Variants in IGF2BP3 observed in about 807,000 individuals in gnomAD.
The protein encoded by IGF2BP3 is insulin-like growth factor 2 mRNA-binding protein 3.
IGF2BP3 carries 9 observed loss-of-function variants against 73.8 expected under a neutral mutation model. That is an observed-to-expected ratio of 0.12 (90% CI 0.07 to 0.21). The LOEUF is 0.21. Among genes scored for constraint, IGF2BP3 ranks in the 10% least tolerant of loss-of-function variants. The probability of loss-of-function intolerance (pLI) is 1.00; values close to 1 mark genes in which losing one functional copy is unlikely to be tolerated. For synonymous variants in IGF2BP3, 258 were observed against 256.7 expected (o/e 1.01, Z -0.05); for missense variants, 542 against 714.0 (o/e 0.76, Z 2.75).
chr7:23,321,931 G>A (rs1040377831), intron 10 of IGF2BP3, among the ~76,000 whole-genome samples: 85 of 152,230 alleles, frequency 5.6e-4, no homozygotes, highest in African/African-American at 1.2e-3. Flanking sequence ...GTACATCACC[G>A]TCATCAAAGA....
At chr7:23,326,476 A>C (rs957830943) in intron 10 of IGF2BP3, among the ~76,000 whole-genome samples, 1 of 151,612 alleles carries the variant, frequency 6.6e-6, no homozygotes, top group African/African-American at 2.4e-5. Context: ...GTGGGACTGT[A>C]AACTAGTTCA....
chr7:23,368,195 A>G (rs1455747925), intron 3 of IGF2BP3, among the ~76,000 whole-genome samples: 3 of 152,136 alleles, frequency 2.0e-5, no homozygotes, highest in Non-Finnish European at 4.4e-5. Context: ...AATGTGGTAT[A>G]TTTGTACAAT....
intron 2 of IGF2BP3, among the ~76,000 whole-genome samples, chr7:23,453,150 C>T (rs2128549176): frequency 6.6e-6 from 1 of 152,224 alleles, no homozygotes; most frequent in East Asian, 1.9e-4. Flanking sequence ...AAACAAAATA[C>T]AAATAAACAT....
chr7:23,431,304 G>A (rs1462392082), intron 2 of IGF2BP3: 1 of 152,190 alleles, frequency 6.6e-6, no homozygotes, highest in Non-Finnish European at 1.5e-5. Context: ...ATATCAGAAT[G>A]AACCAAGAGG....
At chr7:23,331,481 T>C (rs990324586) in intron 10 of IGF2BP3, among the ~76,000 whole-genome samples, 1 of 152,078 alleles carries the variant, frequency 6.6e-6, no homozygotes, top group Non-Finnish European at 1.5e-5. Context: ...GTGCATAAGA[T>C]GGGTGTGTAC....
intron 3 of IGF2BP3, among the ~76,000 whole-genome samples, chr7:23,382,894 C>CCAAAA (rs1270398734): frequency 4.1e-5 from 2 of 49,114 alleles, no homozygotes; most frequent in African/African-American, 1.8e-4. Flanking sequence ...CTAGCTCTAC[C>CCAAAA]AAAAAAAAAA....
At chr7:23,377,439 C>G (rs1337010835) in intron 3 of IGF2BP3, among the ~76,000 whole-genome samples, 1 of 152,160 alleles carries the variant, frequency 6.6e-6, no homozygotes, top group African/African-American at 2.4e-5. Flanking sequence ...GCTTCACACC[C>G]ACTAGGATGG....
intron 2 of IGF2BP3, among the ~76,000 whole-genome samples, chr7:23,439,078 A>G (rs2128544407): frequency 6.6e-6 from 1 of 152,180 alleles, no homozygotes; most frequent in Non-Finnish European, 1.5e-5. Context: ...CCTCATCTCA[A>G]CAAAAATTTT....
intron 2 of IGF2BP3, among the ~76,000 whole-genome samples, chr7:23,459,802 G>A (rs1203486164): frequency 6.6e-6 from 1 of 152,016 alleles, no homozygotes; most frequent in African/African-American, 2.4e-5. Context: ...TTGCACTTCA[G>A]CCTGGGCAAC....
chr7:23,325,932 A>T (rs1784281712), intron 10 of IGF2BP3, among the ~76,000 whole-genome samples: 1 of 152,212 alleles, frequency 6.6e-6, no homozygotes, highest in African/African-American at 2.4e-5. Context: ...TCAATTCAAG[A>T]TGGACTAAAG....
rs1376040225 is a variant in IGF2BP3, at chr7:23,382,937, G to A, written c.286-21196C>T. 2.1e-5 allele frequency among the ~76,000 whole-genome samples: 3 copies of A among 145,568 alleles called. No individual in the cohort carries two copies. In the Admixed American group the frequency reaches 2.1e-4, roughly 10 times the overall value. ...AAAAAAAATCAATCAGCTAGGTGCA[G>A]TGGCTTGCACCTACAGATGCAGCTT... On this transcript the variant is annotated intron_variant, in intron 3 of 14. Transcript: ENST00000258729.
intron 3 of IGF2BP3, among the ~76,000 whole-genome samples, 164 bp downstream of exon 3, chr7:23,418,612 C>G (rs778978637): frequency 1.3e-5 from 2 of 152,150 alleles, no homozygotes; most frequent in South Asian, 4.1e-4. Flanking sequence ...AAAAGATACA[C>G]TGTGCCCTTA....
intron 3 of IGF2BP3, among the ~76,000 whole-genome samples, chr7:23,406,208 T>C (rs1185138430): frequency 6.6e-6 from 1 of 152,200 alleles, no homozygotes; most frequent in South Asian, 2.1e-4. Flanking sequence ...TGTTTGCTTC[T>C]TTTCCGTCTG....
intron 3 of IGF2BP3, among the ~76,000 whole-genome samples, chr7:23,401,541 G>A (rs1171063084): frequency 6.6e-6 from 1 of 151,742 alleles, no homozygotes; most frequent in African/African-American, 2.4e-5. Flanking sequence ...AAGGCAGGTG[G>A]ATCACCTGAG....
At chr7:23,372,247 G>C (rs368605960) in intron 3 of IGF2BP3, among the ~76,000 whole-genome samples, 1 of 151,960 alleles carries the variant, frequency 6.6e-6, no homozygotes, top group East Asian at 1.9e-4. Flanking sequence ...GCTGATTTTT[G>C]TATTTTTAGT....
At chr7:23,464,799 T>C (rs1401460238) in intron 2 of IGF2BP3, among the ~76,000 whole-genome samples, 1 of 151,970 alleles carries the variant, frequency 6.6e-6, no homozygotes, top group Non-Finnish European at 1.5e-5. Context: ...TTAACTATAA[T>C]ATCCTATTAT....
intron 3 of IGF2BP3, among the ~76,000 whole-genome samples, chr7:23,371,431 T>C (rs111847537): frequency 6.6e-5 from 10 of 152,338 alleles, no homozygotes; most frequent in South Asian, 2.1e-4. Flanking sequence ...GAAATGGCTA[T>C]ATTACAAAAT....
At chr7:23,389,924 C>T (rs746792164) in intron 3 of IGF2BP3, among the ~76,000 whole-genome samples, 30 of 151,818 alleles carry the variant, frequency 2.0e-4, no homozygotes, top group African/African-American at 3.6e-4. Context: ...TGCAGTGAGC[C>T]GTGACTGAGC....
chr7:23,335,493 G>C (rs1029165114), intron 10 of IGF2BP3, among the ~76,000 whole-genome samples: 1 of 149,828 alleles, frequency 6.7e-6, no homozygotes, highest in African/African-American at 2.5e-5. Flanking sequence ...TTCTCCCTAT[G>C]TTGCCCAGCC....
Sources: gnomAD v4.1 joint callset for allele counts (sites outside exome capture counted in the v4.1 genomes callset) on GRCh38, gnomAD v4.1.1 for gene constraint, MANE v1.5 for transcripts, NCBI Gene and HGNC (gene_info 2026-07-23, HGNC 2026-07-21) for gene names.